ZNF518A: variants seen among roughly 807,000 people sequenced by gnomAD.
ZNF518A encodes zinc finger protein 518.
In ZNF518A, 47 loss-of-function variants were observed where a neutral mutation model predicts 102.7. The ratio of observed to expected loss-of-function variants is 0.46; its 90% CI spans 0.36 to 0.58. ZNF518A has a LOEUF of 0.58. ZNF518A is among the 20% of genes least tolerant of loss of function. The probability of loss-of-function intolerance (pLI) is 0.00; values close to 1 mark genes in which losing one functional copy is unlikely to be tolerated. For missense variants in ZNF518A, 1,793 were observed against 1,699.8 expected, an observed-to-expected ratio of 1.05 and a Z score of -0.96; for synonymous variants, 652 against 594.6, an observed-to-expected ratio of 1.10 and a Z score of -1.40.
chr10:96,201,660 C>A (rs1241456051), intron 1 of ZNF518A, among the ~76,000 whole-genome samples: 1 of 152,134 alleles, frequency 6.6e-6, no homozygotes, highest in Non-Finnish European at 1.5e-5. Flanking sequence ...CTGAGAATTG[C>A]TGACTTCAGG....
At chr10:96,142,934 G>A (rs2082007708) in intron 3 of ZNF518A, among the ~76,000 whole-genome samples, 1 of 151,876 alleles carries the variant, frequency 6.6e-6, no homozygotes, top group Non-Finnish European at 1.5e-5. Context: ...AGCCTCCTGA[G>A]TAGCTGGGAT....
chr10:96,181,048 A>G lies in ZNF518A; in HGVS notation n.36-22526A>G, dbSNP rs1260837581. ...TAATGATTGCCATTCTAACTGGTGTAAGATGGTATCTCATTGTGGTTTTGA... is the reference window on the plus strand; with the variant it reads ...TAATGATTGCCATTCTAACTGGTGTGAGATGGTATCTCATTGTGGTTTTGA... On this transcript the variant is annotated intron_variant and non_coding_transcript_variant, in intron 1 of 2. Transcript: ENST00000442635. Among the ~76,000 whole-genome samples the G allele has an allele frequency of 1.2e-4, 18 of 152,232 alleles. No individual in the cohort carries two copies. In the East Asian group the frequency reaches 2.7e-3, roughly 23 times the overall value.
rs782650203 is a variant in ZNF518A, at chr10:96,157,431, G to T, written c.1109G>T (p.Ser370Ile). ...AGCCATGTTGTTCAAGAGCATTTAA[G>T]TGAAGAAAAGGATGAAAGACTACAC... ...DQSHVVQEHL[S>I]EEKDERLHCE... is the part of the protein sequence containing the mutation. Residue 370 changes from serine to isoleucine, a missense_variant, in exon 6 of 6, where the codon AGT becomes ATT. Physicochemically the swap from Ser to Ile is moderately radical, Grantham distance 142 (BLOSUM62 -2). Transcript: ENST00000316045. 2.6e-5 allele frequency: 42 copies of T among 1,613,360 alleles called. No homozygotes were observed. Among genetic ancestry groups the T allele is most frequent in the Non-Finnish European group, 3.6e-5 (42 of 1,179,670 alleles).
intron 1 of ZNF518A, among the ~76,000 whole-genome samples, chr10:96,193,935 A>G (rs2083393484): frequency 6.6e-6 from 1 of 152,202 alleles, no homozygotes; most frequent in Non-Finnish European, 1.5e-5. Flanking sequence ...TCTTTTTATT[A>G]TAGATACTTT....
rs1554886873 is a variant in ZNF518A, at chr10:96,160,098, A to T, written c.3776A>T (p.Lys1259Ile). 1.2e-6 allele frequency: 2 copies of T among 1,609,976 alleles called. No individual in the cohort carries two copies. Among genetic ancestry groups the T allele is most frequent in the Non-Finnish European group, 1.7e-6 (2 of 1,178,872 alleles). The change falls in exon 6 of 6, where the codon AAA becomes ATA. Residue 1259 changes from lysine (K) to isoleucine (I), a missense_variant. Transcript: ENST00000316045. ...KTSKKIFSKT[K>I]THGSKDSETA... ...TCCAAAAAAATTTTTTCAAAAACAA[A>T]AACTCATGGAAGTAAAGACTCTGAA...
chr10:96,153,222 T>C (rs2082535132), intron 3 of ZNF518A, among the ~76,000 whole-genome samples: 1 of 152,144 alleles, frequency 6.6e-6, no homozygotes, highest in African/African-American at 2.4e-5. Context: ...GGGAAATCCT[T>C]TTCTCTCCTT....
rs2082902528 is a variant in ZNF518A at position 96,159,685 on chromosome 10, A to G, written c.3363A>G (p.Lys1121=). ...MPNKTELLKP[K]LVQNSTYQNI... ...ATAAAACTGAGCTGCTTAAGCCCAAATTAGTCCAAAATAGTACTTATCAAA... is the reference window on the plus strand; with the variant it reads ...ATAAAACTGAGCTGCTTAAGCCCAAGTTAGTCCAAAATAGTACTTATCAAA... The change falls in exon 6 of 6, where the codon AAA becomes AAG. Residue 1121 remains lysine, a synonymous_variant. Coordinates refer to ENST00000316045, the MANE Select transcript of ZNF518A (RefSeq NM_001330736.2). 3 of 1,613,482 alleles carry G rather than the reference A, an allele frequency of 1.9e-6. No homozygotes were observed. The highest frequency in any genetic ancestry group is 4.5e-5 in the East Asian group (2 of 44,884).
At chr10:96,183,647 G>A (rs587620288) in intron 1 of ZNF518A, among the ~76,000 whole-genome samples, 1 of 152,314 alleles carries the variant, frequency 6.6e-6, no homozygotes, top group South Asian at 2.1e-4. Flanking sequence ...TTAATCCTGA[G>A]TTCTAATTTG....
downstream of ZNF518A, among the ~76,000 whole-genome samples, chr10:96,165,705 C>G (rs1554890211): frequency 6.6e-6 from 1 of 152,168 alleles, no homozygotes; most frequent in Non-Finnish European, 1.5e-5. Flanking sequence ...TATCCTCCAG[C>G]TGTTCCATAG....
rs587693230 is a variant in ZNF518A, at chr10:96,203,296, T to A, written n.36-278T>A. 8.0e-4 allele frequency among the ~76,000 whole-genome samples: 122 copies of A among 152,322 alleles called. 3 individuals carry two copies. The highest frequency in any genetic ancestry group is 7.0e-3 in the Admixed American group (107 of 15,308). ...CACTTTGTGTTGTCAGAATTTTTTT[T>A]AAAAACTAGTAAAAGTTTCATTTAT... On this transcript the variant is annotated intron_variant and non_coding_transcript_variant, in intron 1 of 2. Coordinates refer to the ZNF518A transcript ENST00000442635.
chr10:96,147,587 A>G (rs2082231513), intron 3 of ZNF518A, among the ~76,000 whole-genome samples: 1 of 152,192 alleles, frequency 6.6e-6, no homozygotes, highest in Non-Finnish European at 1.5e-5. Flanking sequence ...GACCCTTGGC[A>G]AAATGTAGAA....
intron 3 of ZNF518A, among the ~76,000 whole-genome samples, chr10:96,139,425 C>A (rs1321489115): frequency 3.3e-5 from 5 of 152,032 alleles, no homozygotes; most frequent in African/African-American, 1.2e-4. Flanking sequence ...GGAATTAGTA[C>A]CCTTATAAAA....
At chr10:96,172,125 C>G (rs1303997526) in intron 1 of ZNF518A, among the ~76,000 whole-genome samples, 1 of 151,960 alleles carries the variant, frequency 6.6e-6, no homozygotes. Context: ...GTTCTTAAGA[C>G]TGAAAGCAAA....
chr10:96,197,119 AG>A (rs1350933521), intron 1 of ZNF518A: 1 of 1,429,742 alleles, frequency 7.0e-7, no homozygotes, highest in Non-Finnish European at 9.5e-7. Flanking sequence ...ATATTTCTAC[AG>A]GTTCAAAAAA....
chr10:96,158,377 A>G lies in ZNF518A; in HGVS notation c.2055A>G (p.Leu685=), dbSNP rs2082811555. The G allele has an allele frequency of 6.2e-7, 1 of 1,613,716 alleles. No individual in the cohort carries two copies. ...QQPISESFLS[L]VRQESSKPDS... ...CAATTAGTGAATCATTTTTATCACT[A>G]GTGAGGCAGGAGAGCTCAAAACCAG... is the stretch of plus-strand genomic sequence containing the variant. Residue 685 remains leucine (L), a synonymous_variant, in exon 6 of 6, where the codon CTA becomes CTG. Transcript: ENST00000316045.
At chr10:96,139,355 A>G (rs2081791798) in intron 3 of ZNF518A, among the ~76,000 whole-genome samples, 1 of 152,066 alleles carries the variant, frequency 6.6e-6, no homozygotes. Context: ...GTGTGATGGC[A>G]TTTGGAAGTG....
chr10:96,170,975 A>G (rs1477507679), intron 1 of ZNF518A, among the ~76,000 whole-genome samples: 1 of 152,090 alleles, frequency 6.6e-6, no homozygotes, highest in Non-Finnish European at 1.5e-5. Flanking sequence ...GATGCGCAAC[A>G]TCATTAGTCA....
chr10:96,200,996 T>C lies in ZNF518A; in HGVS notation n.36-2578T>C. ...TCATTTCATACCTGTTCTGAAATAGTGGAATTAGATGAAAAGCTGGGTAGG... is the reference window on the plus strand; with the variant it reads ...TCATTTCATACCTGTTCTGAAATAGCGGAATTAGATGAAAAGCTGGGTAGG... On this transcript the variant is annotated intron_variant and non_coding_transcript_variant, in intron 1 of 2. Transcript: ENST00000442635. This position sits in a 1 kb window ranked among gnomAD's most constrained non-coding sequence, Gnocchi z 4.3. 6.2e-7 allele frequency: 1 copy of C among 1,614,066 alleles called. No homozygotes were observed. The highest frequency in any genetic ancestry group is 1.6e-4 in the Middle Eastern group (1 of 6,062).
chr10:96,182,029 G>T (rs587701029), intron 1 of ZNF518A, among the ~76,000 whole-genome samples: 3 of 152,120 alleles, frequency 2.0e-5, no homozygotes, highest in African/African-American at 7.2e-5. Flanking sequence ...GTGGTTTGTA[G>T]TTCTCCTTGA....
Sources: allele counts gnomAD v4.1 joint callset (sites outside exome capture counted in the v4.1 genomes callset), GRCh38; gene constraint gnomAD v4.1.1; non-coding constraint Gnocchi (gnomAD v3.1); transcripts MANE v1.5; gene names NCBI Gene and HGNC (gene_info 2026-07-23, HGNC 2026-07-21).